Variants in MGAT4C observed in about 807,000 individuals in gnomAD.
The protein encoded by MGAT4C is MGAT4 family member C, also known as alpha-1,3-mannosyl-glycoprotein 4-beta-N-acetylglucosaminyltransferase C.
A neutral mutation model predicts 40.1 loss-of-function variants in MGAT4C; 19 were observed. The observed-to-expected ratio is 0.47, with a 90% CI of 0.33 to 0.70. The LOEUF (loss-of-function observed/expected upper bound fraction) is 0.70, where lower values mean the gene tolerates loss of function less well. Ranked by LOEUF, MGAT4C falls within the 30% of genes least tolerant of loss-of-function variation. MGAT4C has a pLI of 0.02. For synonymous variants in MGAT4C, 181 were observed against 187.1 expected (o/e 0.97, Z 0.27); for missense variants, 491 against 563.2 (o/e 0.87, Z 1.30).
chr12:86,018,895 T>A (rs1889364490), intron 2 of MGAT4C, among the ~76,000 whole-genome samples: 1 of 152,088 alleles, frequency 6.6e-6, no homozygotes, highest in South Asian at 2.1e-4. Context: ...ATTGCAGAAA[T>A]AATAAAACTT....
chr12:86,605,405 C>T (rs944976561), intron 2 of MGAT4C, among the ~76,000 whole-genome samples: 10 of 152,028 alleles, frequency 6.6e-5, no homozygotes, highest in African/African-American at 2.4e-4. Context: ...AACATGACCA[C>T]TGGCATATGT....
At chr12:86,428,288 T>A (rs982416594) in intron 3 of MGAT4C, among the ~76,000 whole-genome samples, 15 of 152,128 alleles carry the variant, frequency 9.9e-5, no homozygotes, top group Non-Finnish European at 2.9e-5. Context: ...TGGCAGGTAA[T>A]ATAAGTAGGG....
chr12:85,988,879 C>T (rs10863135), intron 3 of MGAT4C, among the ~76,000 whole-genome samples: 67,936 of 151,676 alleles, frequency 0.45, 16,060 homozygotes, highest in African/African-American at 0.54. Context: ...TCAGTGGGTA[C>T]AAATATAAAA....
intron 4 of MGAT4C, among the ~76,000 whole-genome samples, chr12:86,288,234 T>G (rs572349654): frequency 6.6e-6 from 1 of 152,336 alleles, no homozygotes; most frequent in South Asian, 2.1e-4. Context: ...TCCTTGTAGA[T>G]TCTGGATATT....
intron 2 of MGAT4C, among the ~76,000 whole-genome samples, chr12:86,037,979 G>A (rs1159710163): frequency 3.3e-5 from 5 of 149,506 alleles, no homozygotes; most frequent in African/African-American, 9.7e-5. Flanking sequence ...GAAGTCCAGT[G>A]GAGTCAAAGG....
At chr12:86,619,744 C>G (rs1962578794) in intron 2 of MGAT4C, among the ~76,000 whole-genome samples, 1 of 151,918 alleles carries the variant, frequency 6.6e-6, no homozygotes, top group South Asian at 2.1e-4. Flanking sequence ...AAAAATACTA[C>G]TAGCTAGTGA....
At chr12:86,044,811 C>T (rs73380013) in intron 2 of MGAT4C, among the ~76,000 whole-genome samples, 4,640 of 152,120 alleles carry the variant, frequency 0.031, 244 homozygotes, top group African/African-American at 0.1. Flanking sequence ...TTACTGCAGA[C>T]GTTCCCACAC....
rs539336358 is a variant in MGAT4C, at chr12:86,020,906, C to T, written c.-7+28768G>A. ...AAATTCACAAGAAAAAAACAAACAA[C>T]CCCATCAAAAAGTGGGCAGAGGATA... On this transcript the variant is annotated intron_variant, in intron 2 of 4. Transcript: ENST00000611864. Among the ~76,000 whole-genome samples, 4 of 152,258 alleles carry T rather than the reference C, an allele frequency of 2.6e-5. No homozygotes were observed. In the South Asian group the frequency reaches 8.3e-4, roughly 32 times the overall value.
chr12:86,175,042 A>T (rs1887249860), intron 1 of MGAT4C, among the ~76,000 whole-genome samples: 1 of 152,164 alleles, frequency 6.6e-6, no homozygotes, highest in Non-Finnish European at 1.5e-5. Flanking sequence ...CACAGAAATG[A>T]TTTCAATATA....
chr12:86,599,378 A>G (rs1961673000), intron 2 of MGAT4C, among the ~76,000 whole-genome samples: 2 of 152,314 alleles, frequency 1.3e-5, no homozygotes, highest in African/African-American at 4.8e-5. Flanking sequence ...TTTAACTTCT[A>G]GCTTATTGAT....
intron 2 of MGAT4C, among the ~76,000 whole-genome samples, chr12:86,603,333 AGT>A (rs1961857580): frequency 7.3e-6 from 1 of 137,432 alleles, no homozygotes; most frequent in Non-Finnish European, 1.5e-5. Flanking sequence ...AAAATTATAT[AGT>A]ATAGTATATA....
chr12:85,986,064 CAG>C (rs1021977943), intron 3 of MGAT4C, among the ~76,000 whole-genome samples: 24 of 152,250 alleles, frequency 1.6e-4, no homozygotes, highest in African/African-American at 5.5e-4. Context: ...AAGGACATAA[CAG>C]AATATAAAAA....
chr12:86,291,805 G>A (rs117504449), intron 4 of MGAT4C, among the ~76,000 whole-genome samples: 948 of 87,050 alleles, frequency 0.011, 4 homozygotes, highest in Middle Eastern at 0.018. Flanking sequence ...CAAAGATTCC[G>A]GAAATAAACT....
chr12:86,106,328 A>T (rs1876165794), intron 1 of MGAT4C, among the ~76,000 whole-genome samples: 1 of 152,074 alleles, frequency 6.6e-6, no homozygotes, highest in Non-Finnish European at 1.5e-5. Context: ...TTTCTGAGAT[A>T]CAGTGTCTGT....
intron 3 of MGAT4C, among the ~76,000 whole-genome samples, chr12:86,379,807 T>A (rs1041988544): frequency 1.3e-5 from 2 of 152,108 alleles, no homozygotes; most frequent in Admixed American, 1.3e-4. Flanking sequence ...TTTTTCCTAT[T>A]TTGTCATTCT....
At chr12:86,234,534 G>C (rs1951452086) in intron 1 of MGAT4C, among the ~76,000 whole-genome samples, 1 of 152,100 alleles carries the variant, frequency 6.6e-6, no homozygotes, top group Admixed American at 6.6e-5. Context: ...GTACCAATCT[G>C]TGTCTGGTAA....
chr12:86,003,813 A>AT (rs144148191), intron 2 of MGAT4C, among the ~76,000 whole-genome samples: 37,174 of 151,434 alleles, frequency 0.25, 5,250 homozygotes, highest in Non-Finnish European at 0.32. Context: ...GCAAAACTAG[A>AT]TTTTTTTTTC....
rs73387521 is a variant in MGAT4C, at chr12:86,226,739, C to T, written c.-57+29500G>A. Among the ~76,000 whole-genome samples the T allele has an allele frequency of 3.3e-3, 498 of 151,964 alleles. 2 individuals carry two copies. Among genetic ancestry groups the T allele is most frequent in the African/African-American group, 0.012 (485 of 41,518 alleles). ...TGATTTCATCTGCTTATACACACTC[C>T]CAGACACCTCTTTTACAGTTGGACT... On this transcript the variant is annotated intron_variant, in intron 1 of 4. Coordinates refer to ENST00000611864, the MANE Select transcript of MGAT4C (RefSeq NM_001351288.2).
chr12:86,662,233 G>A (rs1038618677), intron 2 of MGAT4C, among the ~76,000 whole-genome samples: 2 of 152,128 alleles, frequency 1.3e-5, no homozygotes, highest in East Asian at 1.9e-4. Flanking sequence ...TATCCCATAA[G>A]TCATTGTTTT....
Sources: gnomAD v4.1 joint callset for allele counts (sites outside exome capture counted in the v4.1 genomes callset) on GRCh38, gnomAD v4.1.1 for gene constraint, MANE v1.5 for transcripts, NCBI Gene and HGNC (gene_info 2026-07-23, HGNC 2026-07-21) for gene names.